The following BATF variants were observed in gnomAD, a reference collection of about 807,000 sequenced individuals.
BATF encodes basic leucine zipper transcriptional factor ATF-like.
A neutral mutation model predicts 13.7 loss-of-function variants in BATF; 5 were observed. The ratio of observed to expected loss-of-function variants is 0.36; its 90% confidence interval spans 0.19 to 0.77. BATF has a LOEUF of 0.77. Ranked by LOEUF, BATF falls within the 30% of genes least tolerant of loss-of-function variation. The probability of loss-of-function intolerance (pLI) is 0.51; values close to 1 mark genes in which losing one functional copy is unlikely to be tolerated. For synonymous variants in BATF, 72 were observed against 67.5 expected (o/e 1.07, Z -0.33); for missense variants, 124 against 163.0 (o/e 0.76, Z 1.30).
intron 2 of BATF, among the ~76,000 whole-genome samples, chr14:75,530,641 C>T (rs1887718706): frequency 6.6e-6 from 1 of 152,066 alleles, no homozygotes; most frequent in Non-Finnish European, 1.5e-5. Context: ...TAGTTTGCTA[C>T]CATTAGTTTT....
intron 2 of BATF, among the ~76,000 whole-genome samples, chr14:75,541,418 A>G (rs1281411295): frequency 6.6e-6 from 1 of 152,206 alleles, no homozygotes; most frequent in Non-Finnish European, 1.5e-5. Context: ...CACCGTGGTC[A>G]TGAGTTCAGG....
intron 2 of BATF, among the ~76,000 whole-genome samples, chr14:75,544,243 T>TA (rs914255782): frequency 1.7e-4 from 25 of 150,934 alleles, no homozygotes; most frequent in African/African-American, 3.6e-4. Flanking sequence ...GGCTAGGATT[T>TA]AAAAAAAAAA....
At chr14:75,544,736 T>C (rs932746670) in intron 2 of BATF, among the ~76,000 whole-genome samples, 1 of 151,750 alleles carries the variant, frequency 6.6e-6, no homozygotes, top group African/African-American at 2.4e-5. Flanking sequence ...CTAATCCAAA[T>C]AGATTTAGAA....
At chr14:75,545,871 G>A (rs555337618) in intron 2 of BATF, among the ~76,000 whole-genome samples, 113 of 151,578 alleles carry the variant, frequency 7.5e-4, no homozygotes, top group African/African-American at 2.6e-3. Context: ...TTTTTTGCCG[G>A]GAGGAGAGAT....
chr14:75,528,467 G>A (rs1392093852), intron 2 of BATF, among the ~76,000 whole-genome samples: 1 of 152,208 alleles, frequency 6.6e-6, no homozygotes, highest in Non-Finnish European at 1.5e-5. Flanking sequence ...ACAGAGTAGG[G>A]AGAGAGCCTC....
Position 75,546,467 on chromosome 14 carries a change from C to A in BATF, c.174C>A (p.Ser58Arg). 1 of 1,614,072 alleles carries A rather than the reference C, an allele frequency of 6.2e-7. No individual in the cohort carries two copies. Among genetic ancestry groups the A allele is most frequent in the South Asian group, 1.1e-5 (1 of 91,060 alleles). ...TQKADTLHLE[S>R]EDLEKQNAAL... is the part of the protein sequence containing the mutation. ...GCTGATCCCCACCCCTACAGGAGAG[C>A]GAAGACCTGGAGAAACAGAACGCGG... Residue 58 changes from serine (S) to arginine (R), a missense_variant, in exon 3 of 3, where the codon AGC (serine) becomes AGA (arginine). Ser to Arg is a moderately radical substitution (Grantham distance 110). Around this residue, in one of 2 missense-constraint regions of BATF, gnomAD observed 65 missense variants for 113.3 expected, o/e 0.57. Coordinates refer to ENST00000286639, the MANE Select transcript of BATF (RefSeq NM_006399.5).
At chr14:75,543,735 G>C (rs11852052) in intron 2 of BATF, among the ~76,000 whole-genome samples, 2 of 151,468 alleles carry the variant, frequency 1.3e-5, no homozygotes, top group East Asian at 3.9e-4. Context: ...GCACAGGCTG[G>C]TCTTAAACTC....
intron 2 of BATF, among the ~76,000 whole-genome samples, chr14:75,538,634 G>T (rs1215074613): frequency 1.3e-5 from 2 of 152,238 alleles, no homozygotes; most frequent in African/African-American, 2.4e-5. Flanking sequence ...AGGTGCGGTG[G>T]CTCACGCCTG....
intron 1 of BATF, among the ~76,000 whole-genome samples, chr14:75,523,211 A>T (rs1283318288): frequency 2.7e-5 from 2 of 74,856 alleles, no homozygotes; most frequent in Non-Finnish European, 8.4e-5. Flanking sequence ...GAAAAGTTAA[A>T]AAAAAAAAAA....
At chr14:75,533,371 T>C (rs1595005449) in intron 2 of BATF, among the ~76,000 whole-genome samples, 1 of 144,480 alleles carries the variant, frequency 6.9e-6, no homozygotes, top group African/African-American at 2.6e-5. Flanking sequence ...GAGCTTGCAG[T>C]GAGCTGAGAT....
At chr14:75,535,437 T>A (rs551179740) in intron 2 of BATF, among the ~76,000 whole-genome samples, 1 of 152,168 alleles carries the variant, frequency 6.6e-6, no homozygotes, top group East Asian at 1.9e-4. Context: ...TCTCAATATG[T>A]GTAAATGAAA....
chr14:75,528,935 C>T (rs1034264354), intron 2 of BATF, among the ~76,000 whole-genome samples: 4 of 151,942 alleles, frequency 2.6e-5, no homozygotes, highest in Admixed American at 2.0e-4. Flanking sequence ...AATAATTTAA[C>T]AAAAATTATG....
intron 2 of BATF, among the ~76,000 whole-genome samples, chr14:75,526,692 TACTA>T (rs1887659310): frequency 6.6e-6 from 1 of 152,262 alleles, no homozygotes; most frequent in Non-Finnish European, 1.5e-5. Flanking sequence ...AGAAAGTCTG[TACTA>T]ACTGTGCTCA....
intron 2 of BATF, among the ~76,000 whole-genome samples, chr14:75,542,663 C>G (rs1211767428): frequency 6.6e-6 from 1 of 152,252 alleles, no homozygotes; most frequent in Non-Finnish European, 1.5e-5. Context: ...AACCCTTTCT[C>G]TCATAAGTGT....
chr14:75,539,842 A>G (rs1887870250), intron 2 of BATF, among the ~76,000 whole-genome samples: 1 of 151,950 alleles, frequency 6.6e-6, no homozygotes, highest in Admixed American at 6.5e-5. Flanking sequence ...GTGGGCCTAG[A>G]TCCTCCCGCT....
chr14:75,541,497 A>AC (rs1172226925), intron 2 of BATF, among the ~76,000 whole-genome samples: 2 of 152,090 alleles, frequency 1.3e-5, no homozygotes, highest in African/African-American at 4.8e-5. Flanking sequence ...TGGCCAGGTG[A>AC]CCCCCTCTCC....
intron 2 of BATF, among the ~76,000 whole-genome samples, chr14:75,536,358 A>G (rs148547134): frequency 6.6e-6 from 1 of 152,266 alleles, no homozygotes; most frequent in East Asian, 1.9e-4. Flanking sequence ...GGCCAGGCAA[A>G]GGTCAGAAAG....
chr14:75,524,939 C>A, intron 1 of BATF, 145 bp from the exon 2 acceptor site: 1 of 644,738 alleles, frequency 1.6e-6, no homozygotes, highest in Non-Finnish European at 2.6e-6. Context: ...CGGGTGCAGG[C>A]TTTTGGTAAA....
intron 2 of BATF, among the ~76,000 whole-genome samples, chr14:75,535,297 GCTAC>G (rs1887801245): frequency 6.6e-6 from 1 of 152,064 alleles, no homozygotes; most frequent in Non-Finnish European, 1.5e-5. Context: ...CTTGCACCCA[GCTAC>G]TTTAGAGGCT....
Sources: gnomAD v4.1 joint callset for allele counts (sites outside exome capture counted in the v4.1 genomes callset) on GRCh38, gnomAD v4.1.1 for gene constraint, gnomAD v4.1.1 regional missense constraint, MANE v1.5 for transcripts, NCBI Gene and HGNC (gene_info 2026-07-23, HGNC 2026-07-21) for gene names.